GABRA2: variants seen among roughly 807,000 people sequenced by gnomAD.
GABRA2 encodes the protein gamma-aminobutyric acid type A receptor subunit alpha2, also known as gamma-aminobutyric acid receptor subunit alpha-2.
Under a neutral mutation model 48.7 loss-of-function variants are expected in GABRA2, and 16 were observed. That is an observed-to-expected ratio of 0.33 (90% CI 0.22 to 0.50). The LOEUF (loss-of-function observed/expected upper bound fraction) is 0.50, where lower values mean the gene tolerates loss of function less well. Among genes scored for constraint, GABRA2 ranks in the 20% least tolerant of loss-of-function variants. GABRA2 has a pLI of 0.98. For synonymous variants in GABRA2, 185 were observed against 184.5 expected, an observed-to-expected ratio of 1.00 and a Z score of -0.02; for missense variants, 275 against 535.6, an observed-to-expected ratio of 0.51 and a Z score of 4.80.
chr4:46,373,641 A>G (rs962119386), intron 3 of GABRA2, among the ~76,000 whole-genome samples: 1 of 152,146 alleles, frequency 6.6e-6, no homozygotes, highest in Non-Finnish European at 1.5e-5. Context: ...AAAATGATAA[A>G]AGGATCCTCA....
At chr4:46,301,225 A>G (rs565458965) in intron 8 of GABRA2, among the ~76,000 whole-genome samples, 13 of 152,186 alleles carry the variant, frequency 8.5e-5, no homozygotes, top group Non-Finnish European at 1.5e-4. Context: ...TGGTGGTGAT[A>G]GTTTCACAGA....
chr4:46,255,494 C>A (rs1442058512), intron 9 of GABRA2, among the ~76,000 whole-genome samples: 1 of 150,542 alleles, frequency 6.6e-6, no homozygotes, highest in Non-Finnish European at 1.5e-5. Context: ...TGATTTAGAC[C>A]CATATCAGAA....
chr4:46,260,226 T>C (rs573963378), intron 9 of GABRA2, among the ~76,000 whole-genome samples: 2 of 152,016 alleles, frequency 1.3e-5, no homozygotes, highest in Admixed American at 6.6e-5. Context: ...TGATATATTG[T>C]TTTCCTGAAG....
rs76881439 is a variant in GABRA2 at position 46,308,178 on chromosome 4, T to C, written c.559+1995A>G. On this transcript the variant is annotated intron_variant, in intron 6 of 9. Transcript: ENST00000381620. ...TCTGAAAGACAATTTACAGCTTCTTTTGGATTAATGAATAGAATATCCCTA... is the reference window on the plus strand; with the variant it reads ...TCTGAAAGACAATTTACAGCTTCTTCTGGATTAATGAATAGAATATCCCTA... Among the ~76,000 whole-genome samples, 834 of 152,282 alleles carry C rather than the reference T, an allele frequency of 5.5e-3. 5 individuals are homozygous for C. The highest frequency in any genetic ancestry group is 9.1e-3 in the Non-Finnish European group (618 of 67,998).
intron 4 of GABRA2, among the ~76,000 whole-genome samples, chr4:46,319,360 T>G (rs1170850827): frequency 6.6e-6 from 1 of 151,764 alleles, no homozygotes; most frequent in African/African-American, 2.4e-5. Flanking sequence ...TATACTCTTG[T>G]GGCTAATAAA....
At chr4:46,334,359 C>T (rs1386502239) in intron 3 of GABRA2, among the ~76,000 whole-genome samples, 2 of 152,010 alleles carry the variant, frequency 1.3e-5, no homozygotes, top group Admixed American at 6.6e-5. Flanking sequence ...GGAAATGAGA[C>T]CCGACATTTT....
chr4:46,263,867 A>G (rs1324227673), intron 8 of GABRA2, among the ~76,000 whole-genome samples: 2 of 151,500 alleles, frequency 1.3e-5, no homozygotes, highest in African/African-American at 4.8e-5. Flanking sequence ...TAATGATACT[A>G]AGTCTTTCAA....
At chr4:46,256,869 A>T (rs971493185) in intron 9 of GABRA2, among the ~76,000 whole-genome samples, 6 of 151,724 alleles carry the variant, frequency 4.0e-5, no homozygotes, top group African/African-American at 1.4e-4. Context: ...AAACAATAGC[A>T]CATTCCATAA....
chr4:46,259,509 G>A (rs1005787832), intron 9 of GABRA2, among the ~76,000 whole-genome samples: 4 of 151,684 alleles, frequency 2.6e-5, no homozygotes, highest in African/African-American at 7.3e-5. Context: ...TTTAAGTAAC[G>A]GTGCACATTC....
chr4:46,341,561 C>A (rs891281027), intron 3 of GABRA2, among the ~76,000 whole-genome samples: 3 of 151,974 alleles, frequency 2.0e-5, no homozygotes, highest in Admixed American at 2.0e-4. Context: ...TGCTTTGAAC[C>A]AATAAGTTTC....
chr4:46,283,139 CTG>C (rs1366044937), intron 8 of GABRA2, among the ~76,000 whole-genome samples: 1 of 152,078 alleles, frequency 6.6e-6, no homozygotes, highest in East Asian at 1.9e-4. Context: ...GAGTAGAAAA[CTG>C]AATTTATTTA....
chr4:46,349,139 A>G (rs574180951), intron 3 of GABRA2, among the ~76,000 whole-genome samples: 1 of 152,038 alleles, frequency 6.6e-6, no homozygotes, highest in East Asian at 1.9e-4. Context: ...TGTTTCACAC[A>G]ATGGACCAGA....
At chr4:46,377,997 C>T (rs1351912859) in intron 3 of GABRA2, among the ~76,000 whole-genome samples, 16 of 150,894 alleles carry the variant, frequency 1.1e-4, no homozygotes, top group African/African-American at 3.6e-4. Flanking sequence ...GGGGGTCAGC[C>T]CCCCGCCCGG....
At chr4:46,353,769 G>T (rs1476109218) in intron 3 of GABRA2, among the ~76,000 whole-genome samples, 2 of 152,022 alleles carry the variant, frequency 1.3e-5, no homozygotes, top group Admixed American at 6.6e-5. Flanking sequence ...AAAAAAAGTT[G>T]TTCATCTTGC....
chr4:46,291,220 T>C (rs1723564136), intron 8 of GABRA2, among the ~76,000 whole-genome samples: 1 of 151,800 alleles, frequency 6.6e-6, no homozygotes, highest in Non-Finnish European at 1.5e-5. Context: ...TCTAGACTTG[T>C]TGTTGTTGGA....
At chr4:46,268,434 T>G (rs1577835416) in intron 8 of GABRA2, among the ~76,000 whole-genome samples, 1 of 151,834 alleles carries the variant, frequency 6.6e-6, no homozygotes, top group East Asian at 1.9e-4. Flanking sequence ...GACAGATACA[T>G]GAAAAAAATG....
At position 46,389,723 on chromosome 4, in the gene GABRA2, G is replaced by C; in HGVS notation, c.-11+12C>G. 2.0e-6 allele frequency: 2 copies of C among 983,510 alleles called. No individual in the cohort carries two copies. The highest frequency in any genetic ancestry group is 4.7e-5 in the South Asian group (1 of 21,168). The allele number at this position is 983,510 out of a possible 1,614,324, so 60.9% of individuals were successfully genotyped here. Reference sequence around the variant, plus strand: ...AAAGTGTCTCTATCGGGACCAACGTGTGCGACCCTACCTGAAACGGCAAGC... The same window carrying C: ...AAAGTGTCTCTATCGGGACCAACGTCTGCGACCCTACCTGAAACGGCAAGC... On this transcript the variant is annotated intron_variant, in intron 1 of 9. Coordinates refer to ENST00000381620, the MANE Select transcript of GABRA2 (RefSeq NM_000807.4).
chr4:46,342,117 A>T (rs1305812275), intron 3 of GABRA2, among the ~76,000 whole-genome samples: 1 of 151,994 alleles, frequency 6.6e-6, no homozygotes, highest in Non-Finnish European at 1.5e-5. Flanking sequence ...CTTGATTTTT[A>T]AGTTGTGCAT....
intron 8 of GABRA2, among the ~76,000 whole-genome samples, chr4:46,269,510 T>G (rs528809152): frequency 2.5e-4 from 38 of 151,844 alleles, no homozygotes; most frequent in Non-Finnish European, 4.7e-4. Context: ...TGCTATATAT[T>G]CACTACAAAT....
Sources: gnomAD v4.1 joint callset for allele counts (sites outside exome capture counted in the v4.1 genomes callset) on GRCh38, gnomAD v4.1.1 for gene constraint, MANE v1.5 for transcripts, NCBI Gene and HGNC (gene_info 2026-07-23, HGNC 2026-07-21) for gene names.